Variants in QKI observed in about 807,000 individuals in gnomAD.
QKI encodes KH domain-containing RNA-binding protein QKI.
In QKI, 10 loss-of-function variants were observed where a neutral mutation model predicts 39.0. The ratio of observed to expected loss-of-function variants is 0.26; its 90% CI spans 0.16 to 0.43. The LOEUF (loss-of-function observed/expected upper bound fraction) is 0.43. QKI is among the 20% of genes least tolerant of loss of function. QKI has a pLI of 1.00. For missense variants in QKI, 218 were observed against 428.0 expected, an observed-to-expected ratio of 0.51 and a Z score of 4.33; for synonymous variants, 204 against 155.4, an observed-to-expected ratio of 1.31 and a Z score of -2.33.
At chr6:163,481,083 C>A (rs142700963) in intron 3 of QKI, among the ~76,000 whole-genome samples, 1 of 152,154 alleles carries the variant, frequency 6.6e-6, no homozygotes, top group Non-Finnish European at 1.5e-5. Context: ...AATGCTTGGC[C>A]ATTTGGTAAA....
intron 3 of QKI, among the ~76,000 whole-genome samples, chr6:163,483,882 T>C (rs1014293892): frequency 2.6e-5 from 4 of 152,254 alleles, no homozygotes; most frequent in African/African-American, 9.6e-5. Flanking sequence ...GAGGAATCAC[T>C]GTCTGTGGCA....
At chr6:163,556,288 A>G (rs1583215844) in intron 4 of QKI, among the ~76,000 whole-genome samples, 1 of 152,074 alleles carries the variant, frequency 6.6e-6, no homozygotes, top group African/African-American at 2.4e-5. Flanking sequence ...CGAGGCGGGT[A>G]GATCACCTGA....
In QKI at chr6:163,474,730, C is replaced by G. The variant is rs932455179; in HGVS notation, c.286-4050C>G. Among the ~76,000 whole-genome samples, 2 of 144,692 alleles carry G rather than the reference C, an allele frequency of 1.4e-5. 1 individual carries two copies. The highest frequency in any genetic ancestry group is 4.5e-4 in the South Asian group (2 of 4,470). 94.9% of individuals were successfully genotyped at this position (144,692 alleles called of 152,430 possible). A position where few individuals can be genotyped will look rare whatever the true frequency, so the allele number is the denominator to read the frequency against. On this transcript the variant is annotated intron_variant, in intron 2 of 7. Transcript: ENST00000361752. ...AGTGGGGGTGAGGATGGCTTGAGTC[C>G]AGGAATTTTGAGATCAGCCTGGGCA...
chr6:163,415,911 G>GT (rs1274958915), intron 1 of QKI: 2 of 513,652 alleles, frequency 3.9e-6, no homozygotes, highest in Middle Eastern at 3.2e-4. Flanking sequence ...TGTGGGGCTC[G>GT]TTAGTTTAAA....
chr6:163,512,028 A>G (rs1779514636), intron 3 of QKI, among the ~76,000 whole-genome samples: 2 of 152,100 alleles, frequency 1.3e-5, no homozygotes, highest in African/African-American at 4.8e-5. Flanking sequence ...TGAGAATGCA[A>G]GTTTAGTTTT....
intron 4 of QKI, among the ~76,000 whole-genome samples, chr6:163,540,125 T>C (rs762005094): frequency 1.3e-5 from 2 of 151,792 alleles, no homozygotes; most frequent in African/African-American, 2.4e-5. Context: ...TTTGGAAAGA[T>C]AGAGTAAGTT....
At chr6:163,441,825 G>A (rs1156590727) in intron 1 of QKI, among the ~76,000 whole-genome samples, 2 of 152,182 alleles carry the variant, frequency 1.3e-5, no homozygotes, top group Non-Finnish European at 2.9e-5. Flanking sequence ...TGGACTTGTA[G>A]CCAGGGACGG....
At chr6:163,562,526 CTGT>C (rs1783099858) in intron 5 of QKI, among the ~76,000 whole-genome samples, 1 of 152,114 alleles carries the variant, frequency 6.6e-6, no homozygotes, top group South Asian at 2.1e-4. Flanking sequence ...GTATTTTTCC[CTGT>C]TGATTTCATA....
At chr6:163,435,246 G>A (rs1789168258) in intron 1 of QKI, among the ~76,000 whole-genome samples, 1 of 152,222 alleles carries the variant, frequency 6.6e-6, no homozygotes, top group Non-Finnish European at 1.5e-5. Context: ...GGTTGAAGAA[G>A]CTAATGTTGG....
intron 1 of QKI, among the ~76,000 whole-genome samples, chr6:163,444,166 G>A (rs73244757): frequency 3.9e-4 from 60 of 152,314 alleles, no homozygotes; most frequent in African/African-American, 1.4e-3. Flanking sequence ...ACCAGTCATT[G>A]AGTATATACA....
chr6:163,566,156 G>A, intron 6 of QKI: 2 of 1,390,282 alleles, frequency 1.4e-6, no homozygotes, highest in Admixed American at 2.9e-5. Flanking sequence ...ACACAGTAAT[G>A]GTAATTTATA....
chr6:163,497,934 C>T (rs1193690728), intron 3 of QKI, among the ~76,000 whole-genome samples: 1 of 151,982 alleles, frequency 6.6e-6, no homozygotes, highest in African/African-American at 2.4e-5. Flanking sequence ...ACTTTTGTTA[C>T]TAGCTATCAT....
chr6:163,506,645 A>G (rs544454998), intron 3 of QKI, among the ~76,000 whole-genome samples: 1 of 152,300 alleles, frequency 6.6e-6, no homozygotes, highest in South Asian at 2.1e-4. Context: ...TTAAGCACTT[A>G]GTCTGCTATA....
chr6:163,416,129 G>T (rs1178334168), intron 1 of QKI, among the ~76,000 whole-genome samples: 1 of 151,950 alleles, frequency 6.6e-6, no homozygotes, highest in Admixed American at 6.6e-5. Flanking sequence ...GAACTTGGGC[G>T]GAGGGTTTGC....
At chr6:163,442,318 T>C (rs1789822747) in intron 1 of QKI, among the ~76,000 whole-genome samples, 2 of 152,248 alleles carry the variant, frequency 1.3e-5, no homozygotes, top group Admixed American at 6.5e-5. Flanking sequence ...TAAACATTTT[T>C]AGTTTTAATT....
rs142488146 is a variant in QKI at position 163,455,762 on chromosome 6, A to T, written c.285+341A>T. 7.1e-3 allele frequency among the ~76,000 whole-genome samples: 1,074 copies of T among 152,306 alleles called. 23 individuals carry two copies. The highest frequency in any genetic ancestry group is 0.024 in the African/African-American group (1,018 of 41,564). On this transcript the variant is annotated intron_variant, in intron 2 of 7. Coordinates refer to ENST00000361752, the MANE Select transcript of QKI (RefSeq NM_006775.3). ...CCTTCAAGAAGCCACAGCTTGGGCC[A>T]CAGCATTCTTTCTGTAAAATGAAGG...
At chr6:163,481,931 A>C (rs894467706) in intron 3 of QKI, among the ~76,000 whole-genome samples, 3 of 152,200 alleles carry the variant, frequency 2.0e-5, no homozygotes, top group Non-Finnish European at 2.9e-5. Context: ...TCACACCTGT[A>C]ATCTCAGCAC....
chr6:163,479,207 T>G (rs559967901), intron 3 of QKI, among the ~76,000 whole-genome samples: 2 of 152,114 alleles, frequency 1.3e-5, no homozygotes, highest in East Asian at 3.9e-4. Context: ...GAGAATTGCT[T>G]GAACCCGGGA....
chr6:163,551,016 A>G (rs543598216), intron 4 of QKI, among the ~76,000 whole-genome samples: 16 of 151,756 alleles, frequency 1.1e-4, no homozygotes, highest in Non-Finnish European at 1.8e-4. Context: ...AATAATGGCC[A>G]GCCAATGTGA....
Sources: allele counts gnomAD v4.1 joint callset (sites outside exome capture counted in the v4.1 genomes callset), GRCh38; gene constraint gnomAD v4.1.1; transcripts MANE v1.5; gene names NCBI Gene and HGNC (gene_info 2026-07-23, HGNC 2026-07-21).